The following COQ2 variants were observed in gnomAD, a reference collection of about 807,000 sequenced individuals.
COQ2 encodes the protein coenzyme Q2, polyprenyltransferase, also known as 4-hydroxybenzoate polyprenyltransferase, mitochondrial.
In COQ2, 25 loss-of-function variants were observed where a neutral mutation model predicts 35.7. The observed-to-expected ratio is 0.70, with a 90% CI of 0.51 to 0.98. COQ2 has a LOEUF of 0.98. COQ2 is among the 50% of genes least tolerant of loss of function. The pLI is 0.00. For synonymous variants in COQ2, 206 were observed against 186.2 expected (o/e 1.11, Z -0.86); for missense variants, 488 against 473.5 (o/e 1.03, Z -0.28).
intron 3 of COQ2, 102 bp downstream of exon 3, chr4:83,273,393 GT>G: frequency 1.6e-6 from 2 of 1,215,682 alleles, no homozygotes; most frequent in Non-Finnish European, 2.3e-6. Flanking sequence ...TGCTTAATAA[GT>G]AGCAAATGAA....
At chr4:83,268,397 T>G (rs549358577) in intron 5 of COQ2, among the ~76,000 whole-genome samples, 4 of 152,200 alleles carry the variant, frequency 2.6e-5, no homozygotes, top group Non-Finnish European at 5.9e-5. Flanking sequence ...CATCTCCATA[T>G]ACTGTTGTAA....
Position 83,284,786 on chromosome 4 carries a change from A to G in COQ2, c.-22T>C. 6.4e-7 allele frequency: 1 copy of G among 1,566,540 alleles called. No homozygotes were observed. The highest frequency in any genetic ancestry group is 8.6e-7 in the Non-Finnish European group (1 of 1,163,366). ...GCATGGCGCTGGTGAGGCCGGGACG[A>G]GCTCGGATTGACGTCATTCCCCGGC... On this transcript the variant is annotated 5_prime_UTR_variant, in exon 1 of 7. Coordinates refer to ENST00000647002, the MANE Select transcript of COQ2 (RefSeq NM_001358921.2).
chr4:83,268,058 T>C (rs979040570), intron 5 of COQ2, among the ~76,000 whole-genome samples: 3 of 152,242 alleles, frequency 2.0e-5, no homozygotes, highest in East Asian at 1.9e-4. Flanking sequence ...TTCATTTCTA[T>C]ACACCATTAT....
intron 1 of COQ2, chr4:83,284,128 G>A (rs1462484066): frequency 3.0e-6 from 3 of 985,296 alleles, no homozygotes; most frequent in Non-Finnish European, 2.4e-6. Context: ...AAATGAAGGA[G>A]GGCCACGAGA....
rs937215195 is a variant in COQ2 at position 83,269,992 on chromosome 4, GCCTA to G, written c.629-3_629del. 1.2e-6 allele frequency: 2 copies of G among 1,612,692 alleles called. No individual in the cohort carries two copies. The highest frequency in any genetic ancestry group is 2.7e-5 in the African/African-American group (2 of 74,792). On this transcript the variant is annotated splice_acceptor_variant and splice_polypyrimidine_tract_variant and coding_sequence_variant and intron_variant, in exon 5 of 7. Coordinates refer to ENST00000647002, the MANE Select transcript of COQ2 (RefSeq NM_001358921.2). LOFTEE classifies it high-confidence loss of function. The stretch of plus-strand genomic sequence containing the variant: ...GTAACGCTCCCCAATTAAATGTCAA[GCCTA>G]CAATTAGCAAAACACAAAAAGGGGG...
chr4:83,265,682 G>A (rs1734901100), intron 6 of COQ2, among the ~76,000 whole-genome samples: 1 of 151,994 alleles, frequency 6.6e-6, no homozygotes, highest in South Asian at 2.1e-4. Flanking sequence ...CTTTGTTTTT[G>A]AGACACAGTT....
At chr4:83,264,489 T>C (rs1406079310) in intron 6 of COQ2, 126 bp from the exon 7 acceptor site, 4 of 1,371,520 alleles carry the variant, frequency 2.9e-6, no homozygotes, top group Admixed American at 6.3e-5. Flanking sequence ...AATGAAAAAT[T>C]AGCTAGGCAC....
chr4:83,269,665 T>A (rs959526479), intron 5 of COQ2, among the ~76,000 whole-genome samples, 195 bp downstream of exon 5: 1 of 151,774 alleles, frequency 6.6e-6, no homozygotes, highest in African/African-American at 2.4e-5. Context: ...CACATAAACA[T>A]AAAAAAAATT....
At chr4:83,279,901 C>A (rs1311210320) in intron 1 of COQ2, among the ~76,000 whole-genome samples, 9 of 139,820 alleles carry the variant, frequency 6.4e-5, no homozygotes, top group African/African-American at 2.4e-4. Context: ...CACTCTGTCA[C>A]CCAAGCTGGC....
At chr4:83,283,897 A>C (rs1735387059) in intron 1 of COQ2, 1 of 985,362 alleles carries the variant, frequency 1.0e-6, no homozygotes, top group South Asian at 4.7e-5. Flanking sequence ...GGCGATTGTA[A>C]GCTGACAGGC....
chr4:83,283,695 A>G (rs1735382027), intron 1 of COQ2: 5 of 985,426 alleles, frequency 5.1e-6, no homozygotes, highest in Non-Finnish European at 6.0e-6. Flanking sequence ...AGCTTTTTCT[A>G]TCTCTATGGC....
chr4:83,264,986 T>A (rs966645857), intron 6 of COQ2, among the ~76,000 whole-genome samples: 3 of 152,176 alleles, frequency 2.0e-5, no homozygotes, highest in African/African-American at 7.2e-5. Flanking sequence ...CCTAGTTTAT[T>A]ATAACCAAAA....
In COQ2 at chr4:83,271,649, C is replaced by T. The variant is rs144577037; in HGVS notation, c.628+438G>A. Among the ~76,000 whole-genome samples, 355 of 152,172 alleles carry T rather than the reference C, an allele frequency of 2.3e-3. 3 individuals are homozygous for T. The highest frequency in any genetic ancestry group is 8.4e-3 in the African/African-American group (348 of 41,514). On this transcript the variant is annotated intron_variant, in intron 4 of 6. Transcript: ENST00000647002. ...GCAACATGGCGAAACCCTGTCTCTA[C>T]AAGAAATACAAAAATTAGCCAGGCA...
intron 6 of COQ2, among the ~76,000 whole-genome samples, chr4:83,265,345 G>A (rs1319346113): frequency 1.3e-5 from 2 of 152,126 alleles, no homozygotes; most frequent in African/African-American, 2.4e-5. Flanking sequence ...TGAGGTGGGC[G>A]GATCACTTAA....
chr4:83,266,340 T>C (rs546732906), intron 6 of COQ2, among the ~76,000 whole-genome samples: 10 of 150,794 alleles, frequency 6.6e-5, no homozygotes, highest in Non-Finnish European at 1.3e-4. Context: ...TAAATACAGC[T>C]TCATGAATAT....
intron 1 of COQ2, 51 bp downstream of exon 1, chr4:83,284,459 ACT>A: frequency 1.3e-6 from 2 of 1,515,986 alleles, no homozygotes; most frequent in Admixed American, 4.2e-5. Context: ...CGCGGAGCCG[ACT>A]CGGAGGCTGC....
intron 5 of COQ2, 96 bp downstream of exon 5, chr4:83,269,761 AAAC>A (rs1309256807): frequency 1.5e-5 from 17 of 1,117,858 alleles, no homozygotes; most frequent in African/African-American, 5.0e-5. Flanking sequence ...AGTTCTTAAA[AAAC>A]AACAACAAAT....
At position 83,284,780 on chromosome 4, in the gene COQ2, G is replaced by C; in HGVS notation, c.-16C>G. The C allele has an allele frequency of 6.4e-7, 1 of 1,563,486 alleles. No homozygotes were observed. The highest frequency in any genetic ancestry group is 1.8e-5 in the Admixed American group (1 of 54,506). On this transcript the variant is annotated 5_prime_UTR_variant, in exon 1 of 7. Transcript: ENST00000647002. ...AGCCCAGCATGGCGCTGGTGAGGCC[G>C]GGACGAGCTCGGATTGACGTCATTC...
At position 83,267,059 on chromosome 4, in the gene COQ2, A is replaced by G. The variant is rs539359693; in HGVS notation, c.951+527T>C. On this transcript the variant is annotated intron_variant, in intron 6 of 6. Transcript: ENST00000647002. ...AAATCAGATGGGAAAATTTGGATTT[A>G]GGCCTATATTATTTTTAAAAAATAA... The G allele has an allele frequency of 2.3e-5, 9 of 399,032 alleles. No individual in the cohort carries two copies. In the Admixed American group the frequency reaches 2.7e-4, roughly 12 times the overall value. The allele number at this position is 399,032 out of a possible 1,614,324, so 24.7% of individuals were successfully genotyped here.
Sources: allele counts gnomAD v4.1 joint callset (sites outside exome capture counted in the v4.1 genomes callset), GRCh38; gene constraint gnomAD v4.1.1; transcripts MANE v1.5; gene names NCBI Gene and HGNC (gene_info 2026-07-23, HGNC 2026-07-21).